TANK: variants seen among roughly 807,000 people sequenced by gnomAD.
TANK encodes TRAF family member-associated NF-kappa-B activator.
In TANK, 15 loss-of-function variants were observed where a neutral mutation model predicts 43.6. The observed-to-expected ratio is 0.34, with a 90% CI of 0.23 to 0.53. TANK has a LOEUF of 0.53. TANK is among the 20% of genes least tolerant of loss of function. The pLI, the probability that TANK is intolerant of heterozygous loss-of-function variation, is 0.94. For synonymous variants in TANK, 162 were observed against 178.2 expected (o/e 0.91, Z 0.73); for missense variants, 417 against 498.6 (o/e 0.84, Z 1.56).
Position 161,223,944 on chromosome 2 carries a change from A to T in TANK, c.357A>T (p.Arg119Ser). 6.2e-7 allele frequency: 1 copy of T among 1,602,574 alleles called. No homozygotes were observed. The highest frequency in any genetic ancestry group is 1.1e-5 in the South Asian group (1 of 89,652). ...KVRRQEVSSP[R>S]KETSARSLGS... ...GAAGACAAGAGGTTTCTTCTCCTAG[A>T]AAAGAAACTTCAGCAAGGAGTCTTG... is the stretch of plus-strand genomic sequence containing the variant. Residue 119 changes from arginine to serine, a missense_variant, in exon 5 of 8, where the codon AGA becomes AGT. Arg to Ser is a moderately radical substitution (Grantham distance 110, BLOSUM62 -1). Transcript: ENST00000392749.
At position 161,204,938 on chromosome 2, in the gene TANK, A is replaced by AG. The variant is rs1441877757; in HGVS notation, c.327+146dup. On this transcript the variant is annotated intron_variant, in intron 4 of 7. Coordinates refer to ENST00000392749, the MANE Select transcript of TANK (RefSeq NM_001199135.3). ...TGTGGCTTAAATATTTCTAAATAGA[A>AG]GAACTATTTTCAAGTAAAATAAAGG... is the stretch of plus-strand genomic sequence containing the variant. 1.3e-5 allele frequency: 18 copies of AG among 1,435,920 alleles called. No individual in the cohort carries two copies. The African/African-American group carries it at 2.4e-4, about 19-fold the overall frequency. The allele number at this position is 1,435,920 out of a possible 1,614,324, so 88.9% of individuals were successfully genotyped here.
intron 1 of TANK, among the ~76,000 whole-genome samples, chr2:161,154,747 CTT>C (rs775085021): frequency 7.7e-5 from 11 of 143,582 alleles, no homozygotes; most frequent in East Asian, 2.0e-4. Context: ...TAAGCATACA[CTT>C]TTTTTTTTTT....
intron 1 of TANK, among the ~76,000 whole-genome samples, chr2:161,142,307 G>A (rs1683772605): frequency 1.3e-5 from 2 of 152,110 alleles, no homozygotes; most frequent in Non-Finnish European, 2.9e-5. Flanking sequence ...TTCTTTTGCT[G>A]TGCAGAAACT....
At chr2:161,203,453 T>C (rs755424103) in intron 2 of TANK, 34 bp from the exon 3 acceptor site, 1 of 1,414,126 alleles carries the variant, frequency 7.1e-7, no homozygotes, top group East Asian at 2.3e-5. Flanking sequence ...TGTCTATCAG[T>C]GAATATCAGG....
chr2:161,181,599 G>GGA (rs368316076), intron 2 of TANK, among the ~76,000 whole-genome samples: 1 of 151,954 alleles, frequency 6.6e-6, no homozygotes, highest in Non-Finnish European at 1.5e-5. Flanking sequence ...AAAGGTGGCA[G>GGA]GAGAGAGAGA....
intron 2 of TANK, among the ~76,000 whole-genome samples, chr2:161,184,192 A>G (rs1685553525): frequency 6.6e-6 from 1 of 152,208 alleles, no homozygotes; most frequent in African/African-American, 2.4e-5. Context: ...GTAGATTAGT[A>G]TGGCTAAGTA....
intron 2 of TANK, among the ~76,000 whole-genome samples, chr2:161,185,900 C>T (rs1453055542): frequency 1.3e-5 from 2 of 152,246 alleles, no homozygotes; most frequent in East Asian, 3.9e-4. Flanking sequence ...TTTACAATCA[C>T]ATTACACAAC....
chr2:161,167,838 A>T (rs1684757944), intron 1 of TANK, among the ~76,000 whole-genome samples: 1 of 151,880 alleles, frequency 6.6e-6, no homozygotes, highest in South Asian at 2.1e-4. Flanking sequence ...GTTAGCCAGG[A>T]TGGTCTCGAT....
rs965182420 is a variant in TANK, at chr2:161,208,067, C to T, written c.327+3274C>T. 4 of 839,292 alleles carry T rather than the reference C, an allele frequency of 4.8e-6. No homozygotes were observed. The African/African-American group carries it at 7.4e-5, about 15-fold the overall frequency. 52.0% of individuals were successfully genotyped at this position (839,292 alleles called of 1,614,324 possible). On this transcript the variant is annotated intron_variant, in intron 4 of 7. Transcript: ENST00000392749. The stretch of plus-strand genomic sequence containing the variant: ...AGCCACCCACAGTGCTTTCCTCCTT[C>T]TGTTTGGTGGGTGGTTTGAGGATTT...
At chr2:161,160,317 G>C, upstream of TANK, 1 of 722,828 alleles carries the variant, frequency 1.4e-6, no homozygotes, top group South Asian at 6.8e-5. Flanking sequence ...TGGGCTGGGT[G>C]GGGCAGGGCG....
chr2:161,202,437 C>CCTCA (rs1430646611), intron 2 of TANK, among the ~76,000 whole-genome samples: 1 of 151,962 alleles, frequency 6.6e-6, no homozygotes, highest in East Asian at 1.9e-4. Context: ...GATCCACCTA[C>CCTCA]CTCAGCCTCC....
chr2:161,190,129 A>G (rs182269142), intron 2 of TANK, among the ~76,000 whole-genome samples: 145 of 152,334 alleles, frequency 9.5e-4, no homozygotes, highest in African/African-American at 3.4e-3. Flanking sequence ...CAGCTCAACA[A>G]CAACAAAACC....
chr2:161,227,006 A>G (rs1423467670), intron 6 of TANK: 1 of 34,888 alleles, frequency 2.9e-5, no homozygotes, highest in Non-Finnish European at 9.6e-5. Flanking sequence ...TTGCAAAGCT[A>G]AGTAGTCTTA....
intron 2 of TANK, among the ~76,000 whole-genome samples, chr2:161,202,015 G>T (rs947708771): frequency 2.6e-5 from 4 of 152,078 alleles, no homozygotes; most frequent in Admixed American, 2.6e-4. Flanking sequence ...TAATCCATAT[G>T]AATTCTGTGG....
chr2:161,188,728 C>T (rs1318774190), intron 2 of TANK, among the ~76,000 whole-genome samples: 1 of 152,164 alleles, frequency 6.6e-6, no homozygotes, highest in Admixed American at 6.6e-5. Flanking sequence ...AAACTACAGA[C>T]TAGTATCACT....
chr2:161,160,533 C>T (rs1266034746), intron 1 of TANK, 47 bp downstream of exon 1: 13 of 1,274,694 alleles, frequency 1.0e-5, no homozygotes, highest in African/African-American at 1.5e-5. Context: ...CCGTCAAGCA[C>T]GACGTCGGAG....
intron 1 of TANK, 200 bp downstream of exon 1, chr2:161,160,686 G>C: frequency 2.2e-6 from 1 of 458,676 alleles, no homozygotes; most frequent in South Asian, 3.1e-5. Flanking sequence ...CCCCCGGAGC[G>C]GACTCCTTGT....
intron 1 of TANK, chr2:161,163,542 A>G (rs1482253079): frequency 1.3e-5 from 2 of 152,178 alleles, no homozygotes; most frequent in Non-Finnish European, 2.9e-5. Context: ...TTGCTTCTAC[A>G]TGGGCAAATT....
intron 2 of TANK, among the ~76,000 whole-genome samples, chr2:161,188,243 C>T (rs189211455): frequency 4.0e-5 from 6 of 151,642 alleles, no homozygotes; most frequent in Admixed American, 1.3e-4. Context: ...AGAAAAACAA[C>T]GAAAACAAGT....
Sources: allele counts gnomAD v4.1 joint callset (sites outside exome capture counted in the v4.1 genomes callset), GRCh38; gene constraint gnomAD v4.1.1; transcripts MANE v1.5; gene names NCBI Gene and HGNC (gene_info 2026-07-23, HGNC 2026-07-21).